SMARCA2: variants seen among roughly 807,000 people sequenced by gnomAD.
SMARCA2 encodes the protein SWI/SNF-related matrix-associated actin-dependent regulator of chromatin subfamily A member 2.
In SMARCA2, 61 loss-of-function variants were observed where a neutral mutation model predicts 199.8. That is an observed-to-expected ratio of 0.31 (90% CI 0.25 to 0.38). SMARCA2 has a LOEUF of 0.38. Among genes scored for constraint, SMARCA2 ranks in the 10% least tolerant of loss-of-function variants. SMARCA2 has a pLI of 1.00. For missense variants in SMARCA2, 1,344 were observed against 2,012.2 expected (o/e 0.67, Z 6.35); for synonymous variants, 935 against 732.0 (o/e 1.28, Z -4.48).
In SMARCA2 at chr9:2,192,987, T is replaced by A. The variant is rs958618621; in HGVS notation, c.*248T>A. 3 of 471,116 alleles carry A rather than the reference T, an allele frequency of 6.4e-6. No homozygotes were observed. The highest frequency in any genetic ancestry group is 6.0e-5 in the African/African-American group (3 of 50,208). 29.2% of individuals were successfully genotyped at this position (471,116 alleles called of 1,614,324 possible). A position where few individuals can be genotyped will look rare whatever the true frequency, so the allele number is the denominator to read the frequency against. The stretch of plus-strand genomic sequence containing the variant: ...ATTCAGATTGAAACAAACAAAAAGC[T>A]TTTGATGGAAAATATGTGGGTGGAT... On this transcript the variant is annotated 3_prime_UTR_variant, in exon 34 of 34. Transcript: ENST00000349721.
chr9:2,026,650 A>G (rs190385743), intron 1 of SMARCA2, among the ~76,000 whole-genome samples: 151 of 152,318 alleles, frequency 9.9e-4, no homozygotes, highest in African/African-American at 3.5e-3. Flanking sequence ...TATTACTTTA[A>G]TACCTATTGA....
chr9:2,140,460 T>C (rs1824408216), intron 27 of SMARCA2, among the ~76,000 whole-genome samples: 1 of 152,204 alleles, frequency 6.6e-6, no homozygotes, highest in African/African-American at 2.4e-5. Flanking sequence ...GGTTCACTGG[T>C]ATATATTTTT....
chr9:2,171,062 A>C (rs1479797037), intron 29 of SMARCA2, among the ~76,000 whole-genome samples: 1 of 152,168 alleles, frequency 6.6e-6, no homozygotes, highest in Non-Finnish European at 1.5e-5. Flanking sequence ...AGTCTCTTTC[A>C]ACCTCTGTGT....
At chr9:2,049,755 A>G (rs947070937) in intron 5 of SMARCA2, among the ~76,000 whole-genome samples, 9 of 152,234 alleles carry the variant, frequency 5.9e-5, no homozygotes, top group Non-Finnish European at 1.3e-4. Flanking sequence ...TTTATCCCTT[A>G]AAAGGGTTAA....
At chr9:2,019,968 A>G (rs1012291214) in intron 1 of SMARCA2, among the ~76,000 whole-genome samples, 3 of 152,174 alleles carry the variant, frequency 2.0e-5, no homozygotes, top group African/African-American at 7.2e-5. Context: ...GAATTATCAC[A>G]TATGTAATAC....
chr9:2,186,218 A>G lies in SMARCA2; in HGVS notation c.4584A>G (p.Ser1528=), dbSNP rs543880790. 79 of 1,613,942 alleles carry G rather than the reference A, an allele frequency of 4.9e-5. No individual in the cohort carries two copies. In the South Asian group the frequency reaches 7.2e-4, roughly 15 times the overall value. ...AGGAAGAGGAAGATGAAGAAGAGTC[A>G]GAGTCCGAGGGTAAGCCCAGACATT... ...EEEEEEDEEE[S]ESEAKSVKVK... The change falls in exon 32 of 34, where the codon TCA becomes TCG. Residue 1528 remains serine (S), a synonymous_variant. Coordinates refer to ENST00000349721, the MANE Select transcript of SMARCA2 (RefSeq NM_003070.5).
rs776643837 is a variant in SMARCA2, at chr9:2,104,196, A to G, written c.3292+27A>G. On this transcript the variant is annotated intron_variant, in intron 23 of 33. Transcript: ENST00000349721. This position sits in a 1 kb window ranked among gnomAD's most constrained non-coding sequence, Gnocchi z 4.0. ...TAAGTGCATAAGGCATTAGGCTCGG[A>G]AGCCATACTACTGAAAATGAAGGGA... 2.5e-6 allele frequency: 4 copies of G among 1,595,894 alleles called. No homozygotes were observed. Among genetic ancestry groups the G allele is most frequent in the Non-Finnish European group, 3.4e-6 (4 of 1,167,340 alleles).
chr9:2,056,281 C>A lies in SMARCA2; in HGVS notation c.1174-391C>A, dbSNP rs1188280604. ...TTTTTGGAGCATCATTAAAATTAATCTTTAAACACAAAGAGAATGTTAACA... is the reference window on the plus strand; with the variant it reads ...TTTTTGGAGCATCATTAAAATTAATATTTAAACACAAAGAGAATGTTAACA... On this transcript the variant is annotated intron_variant, in intron 6 of 33. Transcript: ENST00000349721. The surrounding 1 kb of genome is among the most constrained non-coding windows in gnomAD (Gnocchi z 4.0). Among the ~76,000 whole-genome samples, 2 of 152,082 alleles carry A rather than the reference C, an allele frequency of 1.3e-5. No individual in the cohort carries two copies. The highest frequency in any genetic ancestry group is 1.3e-4 in the Admixed American group (2 of 15,258).
At chr9:2,063,712 T>A (rs1820701078) in intron 9 of SMARCA2, among the ~76,000 whole-genome samples, 1 of 147,654 alleles carries the variant, frequency 6.8e-6, no homozygotes, top group Non-Finnish European at 1.5e-5. Context: ...AAGATTACCT[T>A]TTATTTTCAG....
chr9:2,108,031 C>G (rs928637626), intron 23 of SMARCA2, among the ~76,000 whole-genome samples: 3 of 152,148 alleles, frequency 2.0e-5, no homozygotes, highest in African/African-American at 7.2e-5. Context: ...AATGAAATCA[C>G]AGGTTCGTTC....
chr9:2,024,014 C>T (rs567687503), intron 1 of SMARCA2, among the ~76,000 whole-genome samples: 2 of 152,252 alleles, frequency 1.3e-5, no homozygotes, highest in Admixed American at 6.5e-5. Context: ...TGATATTCCA[C>T]CTTTAACCTG....
At chr9:2,158,997 T>G in intron 27 of SMARCA2, 1 of 1,611,512 alleles carries the variant, frequency 6.2e-7, no homozygotes, top group Non-Finnish European at 8.5e-7. Context: ...TTTGTGTGTT[T>G]CCTTGTAATT....
intron 1 of SMARCA2, among the ~76,000 whole-genome samples, chr9:2,028,637 G>C (rs572283415): frequency 1.3e-5 from 2 of 152,148 alleles, no homozygotes; most frequent in South Asian, 4.1e-4. Context: ...GGTGTCCAAG[G>C]TAGTAAGTAA....
At position 2,173,347 on chromosome 9, in the gene SMARCA2, G is replaced by A. The variant is rs1051602412; in HGVS notation, c.4253+2875G>A. On this transcript the variant is annotated intron_variant, in intron 29 of 33. Transcript: ENST00000349721. ...CAGGACCAGCCAACAGGCTCTTGTA[G>A]GCAAAATTTATTTTTAGTACCAGAC... is the stretch of plus-strand genomic sequence containing the variant. Among the ~76,000 whole-genome samples the A allele has an allele frequency of 2.6e-5, 4 of 152,150 alleles. No homozygotes were observed. The East Asian group carries it at 7.7e-4, about 29-fold the overall frequency.
intron 2 of SMARCA2, 86 bp from the exon 3 acceptor site, chr9:2,032,866 A>G (rs941405492): frequency 3.1e-6 from 4 of 1,289,850 alleles, no homozygotes; most frequent in Non-Finnish European, 4.3e-6. Context: ...CACACTTTTA[A>G]AGAACTTAGG....
chr9:2,093,325 T>G (rs1228513339), intron 19 of SMARCA2, among the ~76,000 whole-genome samples: 4 of 152,226 alleles, frequency 2.6e-5, no homozygotes, highest in Non-Finnish European at 5.9e-5. Flanking sequence ...TCATATATAT[T>G]GATCTTTCTC....
intron 32 of SMARCA2, among the ~76,000 whole-genome samples, chr9:2,187,606 G>T (rs952029381): frequency 6.6e-6 from 1 of 152,018 alleles, no homozygotes; most frequent in Non-Finnish European, 1.5e-5. Context: ...TAGTCTAGGT[G>T]TTCAAGGCTG....
rs1586648166 is a variant in SMARCA2, at chr9:2,050,030, CTA to C, written c.1046+2548_1046+2549del. ...GGTCTTGTAATATCATTTACCTTGT[CTA>C]TGAAATTTGACAGGAAGTTTTCAGC... On this transcript the variant is annotated intron_variant, in intron 5 of 33. Transcript: ENST00000349721. Among the ~76,000 whole-genome samples the C allele has an allele frequency of 2.0e-5, 3 of 152,300 alleles. No homozygotes were observed. The East Asian group carries it at 5.8e-4, about 29-fold the overall frequency.
At chr9:2,092,218 T>C (rs1007153901) in intron 19 of SMARCA2, among the ~76,000 whole-genome samples, 2 of 152,244 alleles carry the variant, frequency 1.3e-5, no homozygotes, top group African/African-American at 4.8e-5. Flanking sequence ...GGTATTTCTT[T>C]ATGTCTAAAT....
Sources: allele counts gnomAD v4.1 joint callset (sites outside exome capture counted in the v4.1 genomes callset), GRCh38; gene constraint gnomAD v4.1.1; non-coding constraint Gnocchi (gnomAD v3.1); transcripts MANE v1.5; gene names NCBI Gene and HGNC (gene_info 2026-07-23, HGNC 2026-07-21).